Variants in TBC1D1 observed in about 807,000 individuals in gnomAD.
TBC1D1 encodes TBC1 (tre-2/USP6, BUB2, cdc16) domain family, member 1.
A neutral mutation model predicts 125.6 loss-of-function variants in TBC1D1; 89 were observed. The ratio of observed to expected loss-of-function variants is 0.71; its 90% CI spans 0.60 to 0.85. TBC1D1 has a LOEUF of 0.85. Among genes scored for constraint, TBC1D1 ranks in the 40% least tolerant of loss-of-function variants. The pLI is 0.00. For missense variants in TBC1D1, 1,377 were observed against 1,469.2 expected, an observed-to-expected ratio of 0.94 and a Z score of 1.03; for synonymous variants, 565 against 564.1, an observed-to-expected ratio of 1.00 and a Z score of -0.02.
chr4:38,081,618 T>G (rs1239616909), intron 12 of TBC1D1, among the ~76,000 whole-genome samples: 1 of 145,098 alleles, frequency 6.9e-6, no homozygotes, highest in East Asian at 2.2e-4. Context: ...TAGATTATCT[T>G]TTTTAGAACA....
chr4:38,102,839 C>A (rs1760614406), intron 14 of TBC1D1, among the ~76,000 whole-genome samples, 160 bp from the exon 17 acceptor site: 1 of 151,572 alleles, frequency 6.6e-6, no homozygotes, highest in Admixed American at 6.6e-5. Context: ...TGTGATTGTG[C>A]CTCTGCACTG....
At chr4:38,034,805 T>TG (rs1209432636) in intron 7 of TBC1D1, among the ~76,000 whole-genome samples, 1 of 152,262 alleles carries the variant, frequency 6.6e-6, no homozygotes, top group Non-Finnish European at 1.5e-5. Context: ...TTTTACTTTC[T>TG]TCATATATGA....
At chr4:38,103,264 C>T in intron 15 of TBC1D1, 107 bp downstream of exon 17, 1 of 1,143,926 alleles carries the variant, frequency 8.7e-7, no homozygotes, top group Non-Finnish European at 1.2e-6. Context: ...GTTTAGCAAT[C>T]AAAATTTACT....
chr4:37,960,976 T>C, intron 2 of TBC1D1: 1 of 1,614,066 alleles, frequency 6.2e-7, no homozygotes, highest in South Asian at 1.1e-5. Flanking sequence ...CTGTTTGCAG[T>C]CTCCTTCAAG....
At chr4:38,076,697 T>G (rs909964113) in intron 12 of TBC1D1, among the ~76,000 whole-genome samples, 1 of 151,786 alleles carries the variant, frequency 6.6e-6, no homozygotes, top group Non-Finnish European at 1.5e-5. Flanking sequence ...CTTAGGGAGG[T>G]AGGATTATAG....
At chr4:38,055,178 G>A (rs900414480) in intron 12 of TBC1D1, 2 of 152,184 alleles carry the variant, frequency 1.3e-5, no homozygotes, top group African/African-American at 4.8e-5. Context: ...TAGAGAAACA[G>A]TTGACAACTG....
intron 1 of TBC1D1, among the ~76,000 whole-genome samples, chr4:37,892,785 A>G (rs1713633980): frequency 6.8e-6 from 1 of 147,862 alleles, no homozygotes; most frequent in Admixed American, 7.2e-5. Flanking sequence ...CTGGTGTCCC[A>G]TAAGGCACAG....
chr4:37,893,880 A>T lies in TBC1D1; in HGVS notation c.-94+2532A>T, dbSNP rs1023970387. ...TTTCAGTCAGAACTGTTACCTTACA[A>T]TTTCCTTCACTGACTTTTCTTCCTT... On this transcript the variant is annotated intron_variant, in intron 1 of 19. Transcript: ENST00000261439. Among the ~76,000 whole-genome samples the T allele has an allele frequency of 5.9e-5, 9 of 152,136 alleles. No individual in the cohort carries two copies. In the East Asian group the frequency reaches 1.7e-3, roughly 29 times the overall value.
intron 15 of TBC1D1, 137 bp from the exon 18 acceptor site, chr4:38,115,573 A>C: frequency 1.2e-6 from 1 of 815,286 alleles, no homozygotes; most frequent in Non-Finnish European, 1.9e-6. Flanking sequence ...TTGCAGAGGA[A>C]GTGGCAAAGA....
intron 2 of TBC1D1, among the ~76,000 whole-genome samples, chr4:38,009,913 TG>T (rs1358106367): frequency 1.3e-5 from 2 of 152,192 alleles, no homozygotes; most frequent in Admixed American, 1.3e-4. Flanking sequence ...TTTGGGTTCT[TG>T]TTTGTGCTAT....
intron 14 of TBC1D1, among the ~76,000 whole-genome samples, chr4:38,097,902 T>C (rs566924013): frequency 5.9e-5 from 9 of 152,356 alleles, no homozygotes; most frequent in Non-Finnish European, 1.0e-4. Context: ...TGGGAAGTTA[T>C]TGTTTGTTAC....
chr4:38,101,987 G>T (rs777281421), intron 14 of TBC1D1, among the ~76,000 whole-genome samples: 2 of 150,940 alleles, frequency 1.3e-5, no homozygotes, highest in African/African-American at 2.4e-5. Context: ...GCAAACTGTC[G>T]CAAGGACAGA....
At chr4:37,919,932 G>A (rs1223827759) in intron 2 of TBC1D1, among the ~76,000 whole-genome samples, 1 of 152,156 alleles carries the variant, frequency 6.6e-6, no homozygotes, top group African/African-American at 2.4e-5. Flanking sequence ...CTAACACGGT[G>A]CAACTCCGTC....
intron 2 of TBC1D1, chr4:37,960,567 CG>C: frequency 6.2e-7 from 1 of 1,614,120 alleles, no homozygotes; most frequent in South Asian, 1.1e-5. Flanking sequence ...TTTAACACGA[CG>C]TTTTGGCAAA....
intron 5 of TBC1D1, 49 bp downstream of exon 5, chr4:38,020,744 T>C (rs939369948): frequency 1.3e-6 from 2 of 1,512,166 alleles, no homozygotes; most frequent in African/African-American, 2.8e-5. Context: ...TTACAAGGAA[T>C]TTTAGCTCCA....
At chr4:37,996,382 A>T (rs1467352984) in intron 2 of TBC1D1, among the ~76,000 whole-genome samples, 1 of 152,240 alleles carries the variant, frequency 6.6e-6, no homozygotes, top group Non-Finnish European at 1.5e-5. Context: ...AGTCTAAAAT[A>T]TATAAAGTGG....
intron 2 of TBC1D1, among the ~76,000 whole-genome samples, chr4:37,911,589 A>G (rs773374952): frequency 2.0e-5 from 3 of 152,130 alleles, no homozygotes; most frequent in Non-Finnish European, 4.4e-5. Flanking sequence ...TTTTATTCTG[A>G]CCATGCATTG....
chr4:38,114,531 G>C (rs1301429546), intron 15 of TBC1D1, among the ~76,000 whole-genome samples: 1 of 152,186 alleles, frequency 6.6e-6, no homozygotes, highest in Non-Finnish European at 1.5e-5. Flanking sequence ...ATCCAAGCAG[G>C]TTCATAATTC....
chr4:38,120,291 G>GCC (rs1400099346), intron 17 of TBC1D1, among the ~76,000 whole-genome samples: 3 of 152,198 alleles, frequency 2.0e-5, no homozygotes, highest in Admixed American at 2.0e-4. Flanking sequence ...GGATCTCAAG[G>GCC]CCGCACTGGC....
Sources: gnomAD v4.1 joint callset for allele counts (sites outside exome capture counted in the v4.1 genomes callset) on GRCh38, gnomAD v4.1.1 for gene constraint, MANE v1.5 for transcripts, NCBI Gene and HGNC (gene_info 2026-07-23, HGNC 2026-07-21) for gene names.